Variants in SLCO2B1 observed in about 807,000 individuals in gnomAD.
SLCO2B1 encodes solute carrier organic anion transporter family member 2B1.
In SLCO2B1, 41 loss-of-function variants were observed where a neutral mutation model predicts 67.3. That is an observed-to-expected ratio of 0.61 (90% CI 0.47 to 0.79). SLCO2B1 has a LOEUF of 0.79. SLCO2B1 is among the 30% of genes least tolerant of loss of function. SLCO2B1 has a pLI of 0.00. For missense variants in SLCO2B1, 837 were observed against 920.1 expected (o/e 0.91, Z 1.17); for synonymous variants, 379 against 381.4 (o/e 0.99, Z 0.07).
rs761625607 is a variant in SLCO2B1, at chr11:75,172,394, C to G, written c.797C>G (p.Thr266Ser). ...NQMPEGGISL[T>S]IKDPRWVGAW... ...TCTCTTCCAGGTGGTATCAGCCTGA[C>G]CATAAAGGACCCCCGATGGGTGGGT... The change falls in exon 7 of 14, where the codon ACC becomes AGC. Residue 266 changes from threonine to serine, a missense_variant. Transcript: ENST00000289575. 1.2e-6 allele frequency: 2 copies of G among 1,613,582 alleles called. No homozygotes were observed. Among genetic ancestry groups the G allele is most frequent in the East Asian group, 4.5e-5 (2 of 44,886 alleles).
intron 4 of SLCO2B1, 131 bp downstream of exon 4, chr11:75,166,080 C>G (rs1056248074): frequency 1.9e-6 from 2 of 1,072,794 alleles, no homozygotes; most frequent in Middle Eastern, 3.2e-4. Flanking sequence ...AGCTGCTAGT[C>G]CCCCCCCAAC....
intron 10 of SLCO2B1, 139 bp from the exon 11 acceptor site, chr11:75,200,085 C>A: frequency 1.2e-6 from 1 of 832,066 alleles, no homozygotes; most frequent in Non-Finnish European, 1.8e-6. Context: ...CAACGGGTCA[C>A]GATCTCGGAC....
chr11:75,203,639 C>A lies in SLCO2B1; in HGVS notation c.1949+212C>A, dbSNP rs112338213. 614 of 582,750 alleles carry A rather than the reference C, an allele frequency of 1.1e-3. 5 individuals carry two copies. The highest frequency in any genetic ancestry group is 0.01 in the African/African-American group (535 of 53,176). 36.1% of individuals were successfully genotyped at this position (582,750 alleles called of 1,614,324 possible). On this transcript the variant is annotated intron_variant, in intron 13 of 13. Coordinates refer to ENST00000289575, the MANE Select transcript of SLCO2B1 (RefSeq NM_007256.5). ...GGAAAGTGACAGTTAAAGCAAGTAG[C>A]CCAAGGTCACACAGCTAATAACTTG...
At chr11:75,165,711 CAT>C (rs1949880754) in intron 3 of SLCO2B1, 74 bp from the exon 4 acceptor site, 2 of 1,452,270 alleles carry the variant, frequency 1.4e-6, no homozygotes, top group South Asian at 2.5e-5. Context: ...GGAAGTTAGA[CAT>C]AGAGACAAGG....
In SLCO2B1 at chr11:75,196,553, G is replaced by C; in HGVS notation, c.1473G>C (p.Glu491Asp). ...TGGAGCTGTCTCCAAGCTGCATGGA[G>C]GCCTGCTCCTGCCCATTGGACGGCT... Reference protein sequence around the residue: ...PGLELSPSCMEACSCPLDGFN... With the variant: ...PGLELSPSCMDACSCPLDGFN... The change falls in exon 10 of 14, where the codon GAG becomes GAC. Residue 491 changes from glutamate (E) to aspartate (D), a missense_variant. By Grantham distance (45) the Glu-to-Asp change is conservative. Coordinates refer to ENST00000289575, the MANE Select transcript of SLCO2B1 (RefSeq NM_007256.5). 1 of 1,614,058 alleles carries C rather than the reference G, an allele frequency of 6.2e-7. No individual in the cohort carries two copies. The highest frequency in any genetic ancestry group is 8.5e-7 in the Non-Finnish European group (1 of 1,180,008).
chr11:75,171,309 T>C (rs1949958203), intron 6 of SLCO2B1, among the ~76,000 whole-genome samples: 1 of 152,180 alleles, frequency 6.6e-6, no homozygotes, highest in African/African-American at 2.4e-5. Flanking sequence ...CTGCCCCTCA[T>C]GCAGTGGCAC....
At chr11:75,179,903 G>A (rs1439958236) in intron 7 of SLCO2B1, among the ~76,000 whole-genome samples, 1 of 152,062 alleles carries the variant, frequency 6.6e-6, no homozygotes, top group Admixed American at 6.6e-5. Context: ...TGTTGGCCAG[G>A]CTGGTCTTGA....
chr11:75,203,085 A>G, intron 12 of SLCO2B1, 120 bp downstream of exon 12: 3 of 1,170,230 alleles, frequency 2.6e-6, no homozygotes, highest in Admixed American at 1.7e-5. Context: ...TCACAAGCTC[A>G]TGGGGTGACA....
chr11:75,172,786 G>A (rs749861734), intron 7 of SLCO2B1, among the ~76,000 whole-genome samples: 2 of 152,050 alleles, frequency 1.3e-5, no homozygotes, highest in African/African-American at 4.8e-5. Context: ...AAAATTAGCC[G>A]GGCATGGTGG....
intron 6 of SLCO2B1, among the ~76,000 whole-genome samples, chr11:75,171,870 A>C (rs1163115540): frequency 6.6e-6 from 1 of 152,228 alleles, no homozygotes; most frequent in Non-Finnish European, 1.5e-5. Flanking sequence ...GAGAAACACA[A>C]CAGTAATCCT....
At chr11:75,159,845 G>T in intron 1 of SLCO2B1, 3 of 985,650 alleles carry the variant, frequency 3.0e-6, no homozygotes, top group Non-Finnish European at 3.6e-6. Flanking sequence ...AGAAAAGGCT[G>T]GGATTGAAGC....
intron 4 of SLCO2B1, among the ~76,000 whole-genome samples, chr11:75,166,737 C>T (rs1949897540): frequency 1.3e-5 from 2 of 152,188 alleles, no homozygotes; most frequent in African/African-American, 4.8e-5. Context: ...GGAATCAGTC[C>T]TTTTTACTCT....
intron 6 of SLCO2B1, among the ~76,000 whole-genome samples, chr11:75,171,367 C>T (rs959538533): frequency 2.0e-5 from 3 of 152,140 alleles, no homozygotes; most frequent in South Asian, 4.2e-4. Flanking sequence ...AGCAATCTTC[C>T]CACCTCAGGC....
intron 1 of SLCO2B1, among the ~76,000 whole-genome samples, chr11:75,160,154 TC>T (rs569568015): frequency 2.3e-4 from 35 of 152,314 alleles, no homozygotes; most frequent in African/African-American, 8.2e-4. Flanking sequence ...CAGCCTCAGC[TC>T]CCGCTCTCTC....
At chr11:75,153,114 G>C (rs1480948750) in intron 1 of SLCO2B1, among the ~76,000 whole-genome samples, 1 of 152,166 alleles carries the variant, frequency 6.6e-6, no homozygotes, top group Non-Finnish European at 1.5e-5. Flanking sequence ...GTTCACCTTT[G>C]CTCAGGAAGC....
chr11:75,169,350 T>G lies in SLCO2B1; in HGVS notation c.626T>G (p.Phe209Cys). ...GTGGGCGGGGTGCCCATTCAGCCCT[T>G]TGGCATCTCCTACATCGATGACTTT... Reference protein sequence around the residue: ...LGVGGVPIQPFGISYIDDFAH... With the variant: ...LGVGGVPIQPCGISYIDDFAH... Residue 209 changes from phenylalanine (F) to cysteine (C), a missense_variant, in exon 5 of 14, where the codon TTT becomes TGT. Coordinates refer to ENST00000289575, the MANE Select transcript of SLCO2B1 (RefSeq NM_007256.5). 1 of 1,613,656 alleles carries G rather than the reference T, an allele frequency of 6.2e-7. No individual in the cohort carries two copies. Among genetic ancestry groups the G allele is most frequent in the South Asian group, 1.1e-5 (1 of 91,060 alleles).
chr11:75,203,284 C>T (rs532464840), intron 12 of SLCO2B1, 23 bp from the exon 13 acceptor site: 2 of 1,610,670 alleles, frequency 1.2e-6, no homozygotes, highest in East Asian at 2.2e-5. Context: ...CCTTCATTGT[C>T]CCCTGAGCAC....
intron 1 of SLCO2B1, among the ~76,000 whole-genome samples, chr11:75,160,775 G>A (rs1949809662): frequency 6.6e-6 from 1 of 152,192 alleles, no homozygotes; most frequent in African/African-American, 2.4e-5. Flanking sequence ...CAACCTGTTT[G>A]TATAGACATT....
intron 7 of SLCO2B1, among the ~76,000 whole-genome samples, chr11:75,182,567 A>AC (rs1424459241): frequency 6.6e-6 from 1 of 152,100 alleles, no homozygotes; most frequent in African/African-American, 2.4e-5. Context: ...ACATGGTGAA[A>AC]CCCAGTCTCT....
Sources: gnomAD v4.1 joint callset for allele counts (sites outside exome capture counted in the v4.1 genomes callset) on GRCh38, gnomAD v4.1.1 for gene constraint, MANE v1.5 for transcripts, NCBI Gene and HGNC (gene_info 2026-07-23, HGNC 2026-07-21) for gene names.